PCGF5: variants seen among roughly 807,000 people sequenced by gnomAD.
The protein encoded by PCGF5 is polycomb group ring finger 5.
A neutral mutation model predicts 44.3 loss-of-function variants in PCGF5; 9 were observed. The observed-to-expected ratio is 0.20, with a 90% confidence interval of 0.12 to 0.35. PCGF5 has a LOEUF of 0.35. Among genes scored for constraint, PCGF5 ranks in the 10% least tolerant of loss-of-function variants. The pLI is 1.00. For missense variants in PCGF5, 146 were observed against 305.3 expected, an observed-to-expected ratio of 0.48 and a Z score of 3.89; for synonymous variants, 95 against 102.5, an observed-to-expected ratio of 0.93 and a Z score of 0.44.
chr10:91,243,906 A>T (rs188706664), intron 3 of PCGF5, among the ~76,000 whole-genome samples: 4 of 152,310 alleles, frequency 2.6e-5, no homozygotes, highest in Admixed American at 2.6e-4. Context: ...ATTGGTCATC[A>T]CTTATATAGA....
rs960362015 is a variant in PCGF5, at chr10:91,164,502, C to T, written c.-184+1421C>T. ...AGGTATCAGACTCTGAAGGAATCCTCCTAGTAATTGCGTCTACCTAACTGG... is the reference window on the plus strand; with the variant it reads ...AGGTATCAGACTCTGAAGGAATCCTTCTAGTAATTGCGTCTACCTAACTGG... On this transcript the variant is annotated intron_variant, in intron 1 of 9. Coordinates refer to the PCGF5 transcript ENST00000614189. Among the ~76,000 whole-genome samples the T allele has an allele frequency of 1.2e-4, 19 of 152,294 alleles. No homozygotes were observed. In the East Asian group the frequency reaches 3.5e-3, roughly 28 times the overall value.
chr10:91,188,674 T>C (rs1275626861), intron 1 of PCGF5, among the ~76,000 whole-genome samples: 1 of 152,282 alleles, frequency 6.6e-6, no homozygotes, highest in East Asian at 1.9e-4. Flanking sequence ...TCACTGACCC[T>C]CACTACCTCC....
chr10:91,175,162 C>T (rs1043771974), intron 1 of PCGF5, among the ~76,000 whole-genome samples: 2 of 152,316 alleles, frequency 1.3e-5, no homozygotes, highest in African/African-American at 4.8e-5. Context: ...TTCACTTCTT[C>T]TATGCCATAC....
At chr10:91,269,616 G>T (rs1341703516) in intron 8 of PCGF5, among the ~76,000 whole-genome samples, 1 of 152,056 alleles carries the variant, frequency 6.6e-6, no homozygotes, top group African/African-American at 2.4e-5. Context: ...TAGATTCTTA[G>T]AAGTAGATTT....
chr10:91,175,812 G>A (rs982166757), intron 1 of PCGF5, among the ~76,000 whole-genome samples: 11 of 151,698 alleles, frequency 7.3e-5, no homozygotes, highest in East Asian at 1.9e-4. Flanking sequence ...GTCTCTGCAC[G>A]TGAGATGGGT....
At chr10:91,186,532 G>A (rs972597592) in intron 1 of PCGF5, among the ~76,000 whole-genome samples, 7 of 120,828 alleles carry the variant, frequency 5.8e-5, no homozygotes, top group Admixed American at 1.6e-4. Flanking sequence ...ATATATATAT[G>A]TGTGTGTGTG....
At chr10:91,214,797 G>T (rs995328275) in intron 1 of PCGF5, among the ~76,000 whole-genome samples, 3 of 152,208 alleles carry the variant, frequency 2.0e-5, no homozygotes, top group African/African-American at 7.2e-5. Flanking sequence ...GAAGGAAATG[G>T]ATCCAGAGAA....
chr10:91,242,006 A>G (rs1206174120), intron 3 of PCGF5, among the ~76,000 whole-genome samples: 1 of 152,110 alleles, frequency 6.6e-6, no homozygotes, highest in East Asian at 1.9e-4. Context: ...ATGCTAATAT[A>G]TGCTAACATT....
At chr10:91,210,238 CAG>C (rs1844424024) in intron 1 of PCGF5, among the ~76,000 whole-genome samples, 1 of 152,126 alleles carries the variant, frequency 6.6e-6, no homozygotes, top group Non-Finnish European at 1.5e-5. Context: ...CTTTTTCTGC[CAG>C]AGAGTGCTAC....
At position 91,283,455 on chromosome 10, in the gene PCGF5, G is replaced by C. The variant is rs2133494284; in HGVS notation, c.*5139G>C. On this transcript the variant is annotated 3_prime_UTR_variant, in exon 10 of 10. Transcript: ENST00000336126. ...GAGTCTAGTTTTCTTCCATCTTATG[G>C]AGCTTCATGGAATAAGAAACTAATC... 6.6e-6 allele frequency: 1 copy of C among 152,180 alleles called. No homozygotes were observed. The highest frequency in any genetic ancestry group is 1.9e-4 in the East Asian group (1 of 5,168). 9.4% of individuals were successfully genotyped at this position (152,180 alleles called of 1,614,324 possible). A position where few individuals can be genotyped will look rare whatever the true frequency, so the allele number is the denominator to read the frequency against.
At chr10:91,266,382 A>G (rs1192270020) in intron 8 of PCGF5, among the ~76,000 whole-genome samples, 1 of 152,210 alleles carries the variant, frequency 6.6e-6, no homozygotes, top group Non-Finnish European at 1.5e-5. Context: ...GAGCTAATTT[A>G]TAGACATTTT....
At chr10:91,232,460 C>A (rs1214083962) in intron 2 of PCGF5, among the ~76,000 whole-genome samples, 1 of 152,100 alleles carries the variant, frequency 6.6e-6, no homozygotes, top group African/African-American at 2.4e-5. Flanking sequence ...AAATAAATAG[C>A]TAATAAGGGA....
chr10:91,168,529 A>G (rs561934989), intron 1 of PCGF5, among the ~76,000 whole-genome samples: 1 of 152,134 alleles, frequency 6.6e-6, no homozygotes, highest in Non-Finnish European at 1.5e-5. Flanking sequence ...TTGGGAAGGA[A>G]ATGGAGAAAG....
chr10:91,256,408 T>C (rs1845754372), intron 6 of PCGF5, among the ~76,000 whole-genome samples: 2 of 151,088 alleles, frequency 1.3e-5, no homozygotes, highest in South Asian at 2.1e-4. Flanking sequence ...AACAGAAAAA[T>C]AGAATGAAGA....
chr10:91,223,722 T>A (rs1286046681), intron 2 of PCGF5, among the ~76,000 whole-genome samples: 1 of 152,208 alleles, frequency 6.6e-6, no homozygotes, highest in African/African-American at 2.4e-5. Context: ...TAATGCCTAG[T>A]ATGTGCACCA....
intron 1 of PCGF5, among the ~76,000 whole-genome samples, chr10:91,196,362 G>T (rs1378822784): frequency 6.6e-6 from 1 of 152,168 alleles, no homozygotes; most frequent in African/African-American, 2.4e-5. Flanking sequence ...TTATATATTA[G>T]ACTTTCTAAG....
rs1846501531 is a variant in PCGF5, at chr10:91,283,470, A to G, written c.*5154A>G. On this transcript the variant is annotated 3_prime_UTR_variant, in exon 10 of 10. Coordinates refer to ENST00000336126, the MANE Select transcript of PCGF5 (RefSeq NM_032373.5). ...CCATCTTATGGAGCTTCATGGAATA[A>G]GAAACTAATCTAGTGCAAATGAAGA... is the stretch of plus-strand genomic sequence containing the variant. 6.6e-6 allele frequency: 1 copy of G among 152,266 alleles called. No individual in the cohort carries two copies. Among genetic ancestry groups the G allele is most frequent in the Non-Finnish European group, 1.5e-5 (1 of 68,050 alleles). 9.4% of individuals were successfully genotyped at this position (152,266 alleles called of 1,614,324 possible). A position where few individuals can be genotyped will look rare whatever the true frequency, so the allele number is the denominator to read the frequency against.
chr10:91,159,795 C>T (rs995483032), upstream of PCGF5, among the ~76,000 whole-genome samples: 5 of 152,096 alleles, frequency 3.3e-5, no homozygotes, highest in African/African-American at 1.2e-4. Flanking sequence ...GTCAGATAAA[C>T]TAAAATTTGT....
chr10:91,276,128 A>G (rs1005028723), intron 9 of PCGF5, among the ~76,000 whole-genome samples: 15 of 152,030 alleles, frequency 9.9e-5, no homozygotes, highest in African/African-American at 3.6e-4. Flanking sequence ...GAATGTAGAT[A>G]AAATGAGTAG....
Sources: allele counts gnomAD v4.1 joint callset (sites outside exome capture counted in the v4.1 genomes callset), GRCh38; gene constraint gnomAD v4.1.1; transcripts MANE v1.5; gene names NCBI Gene and HGNC (gene_info 2026-07-23, HGNC 2026-07-21).